The following UBLCP1 variants were observed in gnomAD, a reference collection of about 807,000 sequenced individuals.
UBLCP1 encodes ubiquitin-like domain-containing CTD phosphatase 1.
A neutral mutation model predicts 42.4 loss-of-function variants in UBLCP1; 28 were observed. The ratio of observed to expected loss-of-function variants is 0.66; its 90% CI spans 0.49 to 0.90. The LOEUF is 0.90. Among genes scored for constraint, UBLCP1 ranks in the 40% least tolerant of loss-of-function variants. The pLI is 0.00. For synonymous variants in UBLCP1, 122 were observed against 120.8 expected, an observed-to-expected ratio of 1.01 and a Z score of -0.07; for missense variants, 279 against 374.5, an observed-to-expected ratio of 0.75 and a Z score of 2.10.
intron 1 of UBLCP1, among the ~76,000 whole-genome samples, chr5:159,265,351 T>TA (rs2113307877): frequency 6.6e-6 from 1 of 152,322 alleles, no homozygotes; most frequent in South Asian, 2.1e-4. Context: ...GAAATACCAA[T>TA]ACCTTGAGAT....
rs1200247552 is a variant in UBLCP1, at chr5:159,263,359, A to C, written c.-48A>C. 6.6e-6 allele frequency: 1 copy of C among 152,306 alleles called. No individual in the cohort carries two copies. The highest frequency in any genetic ancestry group is 1.9e-4 in the East Asian group (1 of 5,216). 9.4% of individuals were successfully genotyped at this position (152,306 alleles called of 1,614,324 possible). A position where few individuals can be genotyped will look rare whatever the true frequency, so the allele number is the denominator to read the frequency against. On this transcript the variant is annotated splice_region_variant and 5_prime_UTR_variant, in exon 1 of 11. Coordinates refer to ENST00000296786, the MANE Select transcript of UBLCP1 (RefSeq NM_145049.5). ...GCTGCCGCAGGTTCCACCGCGCTCC[A>C]GGTGAGGGGTTGCGGGGCACCCTGG...
intron 6 of UBLCP1, 122 bp downstream of exon 6, chr5:159,272,243 C>A: frequency 2.6e-6 from 2 of 780,706 alleles, no homozygotes; most frequent in Non-Finnish European, 4.0e-6. Context: ...CATTTTTTAG[C>A]AAATTTCTAA....
intron 8 of UBLCP1, among the ~76,000 whole-genome samples, chr5:159,275,891 ACTCACC>A (rs1301278213): frequency 6.6e-6 from 1 of 152,036 alleles, no homozygotes; most frequent in Non-Finnish European, 1.5e-5. Context: ...AAGCGAAAAC[ACTCACC>A]CTGCCCTGTT....
rs1278580186 is a variant in UBLCP1, at chr5:159,268,905, A to G, written c.-11A>G. On this transcript the variant is annotated 5_prime_UTR_variant, in exon 2 of 11. It adds an upstream start codon to the 5' untranslated region. Transcript: ENST00000296786. ...TTCTGAAGGAAAGCTGCTTCCTCATATGTTTCAAGAATGGCTCTCCCTATC... is the reference window on the plus strand; with the variant it reads ...TTCTGAAGGAAAGCTGCTTCCTCATGTGTTTCAAGAATGGCTCTCCCTATC... 1 of 1,601,462 alleles carries G rather than the reference A, an allele frequency of 6.2e-7. No homozygotes were observed. Among genetic ancestry groups the G allele is most frequent in the Non-Finnish European group, 8.5e-7 (1 of 1,176,536 alleles).
intron 7 of UBLCP1, 101 bp downstream of exon 7, chr5:159,274,723 TTAG>T: frequency 9.9e-7 from 1 of 1,010,368 alleles, no homozygotes; most frequent in Non-Finnish European, 1.5e-6. Context: ...TGGAGGGCAC[TTAG>T]TAGATAGATA....
intron 10 of UBLCP1, 50 bp downstream of exon 10, chr5:159,283,389 A>C (rs538109587): frequency 6.5e-5 from 96 of 1,467,852 alleles, no homozygotes; most frequent in Admixed American, 1.8e-4. Flanking sequence ...TGAAGAAAAA[A>C]TTATCATTTT....
chr5:159,285,912 T>A lies in UBLCP1; in HGVS notation c.*981T>A, dbSNP rs1008941539. On this transcript the variant is annotated 3_prime_UTR_variant, in exon 11 of 11. Coordinates refer to ENST00000296786, the MANE Select transcript of UBLCP1 (RefSeq NM_145049.5). Reference sequence around the variant, plus strand: ...TACGTAATGTGACCACTGTTTTGTGTTGACAATATTGCTTTATACAGTTCT... The same window carrying A: ...TACGTAATGTGACCACTGTTTTGTGATGACAATATTGCTTTATACAGTTCT... 6.5e-6 allele frequency: 1 copy of A among 152,772 alleles called. No individual in the cohort carries two copies. The highest frequency in any genetic ancestry group is 2.4e-5 in the African/African-American group (1 of 41,454). The allele number at this position is 152,772 out of a possible 1,614,324, so 9.5% of individuals were successfully genotyped here. A position where few individuals can be genotyped will look rare whatever the true frequency, so the allele number is the denominator to read the frequency against.
Position 159,272,255 on chromosome 5 carries a change from A to G in UBLCP1, c.547+134A>G, listed in dbSNP as rs11745659. On this transcript the variant is annotated intron_variant, in intron 6 of 10. Coordinates refer to ENST00000296786, the MANE Select transcript of UBLCP1 (RefSeq NM_145049.5). ...TTTCATTTTTTAGCAAATTTCTAAA[A>G]TGAAGCATGTATCACAATATAAACT... 0.3 allele frequency: 208,235 copies of G among 685,178 alleles called. 32,861 individuals are homozygous for G. The highest frequency in any genetic ancestry group is 0.32 in the Non-Finnish European group (133,387 of 417,946). 42.4% of individuals were successfully genotyped at this position (685,178 alleles called of 1,614,324 possible).
intron 6 of UBLCP1, among the ~76,000 whole-genome samples, chr5:159,273,259 GAA>G (rs1753493664): frequency 6.6e-6 from 1 of 152,102 alleles, no homozygotes; most frequent in Non-Finnish European, 1.5e-5. Context: ...TGATATTTGA[GAA>G]AAAAGTTTAT....
intron 1 of UBLCP1, among the ~76,000 whole-genome samples, chr5:159,264,994 T>G (rs765111442): frequency 6.6e-6 from 1 of 152,236 alleles, no homozygotes; most frequent in Non-Finnish European, 1.5e-5. Context: ...TGTATTTCAG[T>G]TTAACTCAAA....
intron 10 of UBLCP1, among the ~76,000 whole-genome samples, chr5:159,284,382 A>G (rs1753645096): frequency 6.6e-6 from 1 of 152,220 alleles, no homozygotes; most frequent in African/African-American, 2.4e-5. Flanking sequence ...ATTAAACAAT[A>G]TGAAAAACAC....
At position 159,270,972 on chromosome 5, in the gene UBLCP1, A is replaced by ATG. The variant is rs1491373715; in HGVS notation, c.448+341_448+342dup. Among the ~76,000 whole-genome samples the ATG allele has an allele frequency of 1.9e-4, 29 of 150,388 alleles. No individual in the cohort carries two copies. In the East Asian group the frequency reaches 3.5e-3, roughly 18 times the overall value. On this transcript the variant is annotated intron_variant, in intron 5 of 10. Coordinates refer to ENST00000296786, the MANE Select transcript of UBLCP1 (RefSeq NM_145049.5). ...TGTTTATTATGAATGATATATATAT[A>ATG]TGTGTGTGTGTGTATATATATTTTT...
intron 9 of UBLCP1, among the ~76,000 whole-genome samples, chr5:159,278,925 T>A (rs1395499739): frequency 6.6e-6 from 1 of 152,216 alleles, no homozygotes; most frequent in Non-Finnish European, 1.5e-5. Flanking sequence ...TTCCCAACAT[T>A]GACTTTTAGC....
At chr5:159,269,158 T>A in intron 2 of UBLCP1, 89 bp downstream of exon 2, 1 of 967,354 alleles carries the variant, frequency 1.0e-6, no homozygotes. Flanking sequence ...GTTTAATAAT[T>A]TATACTTGCT....
intron 6 of UBLCP1, among the ~76,000 whole-genome samples, chr5:159,272,566 T>C (rs560910670): frequency 2.6e-4 from 39 of 152,340 alleles, no homozygotes; most frequent in Admixed American, 1.6e-3. Flanking sequence ...CCTTCTGATC[T>C]TTGCTGTGAA....
chr5:159,272,042 G>T lies in UBLCP1; in HGVS notation c.468G>T (p.Glu156Asp), dbSNP rs759534458. ...YTLFDHRSCA[E>D]TGVELMRPYL... Reference sequence around the variant, plus strand: ...TTTTAGACCACAGGTCTTGTGCAGAGACTGGGGTAGAATTAATGCGGCCAT... The same window carrying T: ...TTTTAGACCACAGGTCTTGTGCAGATACTGGGGTAGAATTAATGCGGCCAT... Residue 156 changes from glutamate (E) to aspartate (D), a missense_variant, in exon 6 of 11, where the codon GAG (glutamate) becomes GAT (aspartate). By Grantham distance (45) the Glu-to-Asp change is conservative. Transcript: ENST00000296786. The T allele has an allele frequency of 2.5e-6, 4 of 1,613,144 alleles. No individual in the cohort carries two copies. Among genetic ancestry groups the T allele is most frequent in the Non-Finnish European group, 2.5e-6 (3 of 1,179,598 alleles).
chr5:159,266,681 G>T (rs1181382451), intron 1 of UBLCP1, among the ~76,000 whole-genome samples: 1 of 152,182 alleles, frequency 6.6e-6, no homozygotes, highest in Non-Finnish European at 1.5e-5. Flanking sequence ...AGGAAAAAAG[G>T]TTTCGTGGGC....
chr5:159,275,268 A>G (rs758147519), intron 8 of UBLCP1, 22 bp downstream of exon 8: 2 of 1,567,994 alleles, frequency 1.3e-6, no homozygotes, highest in South Asian at 2.2e-5. Flanking sequence ...TTTTATTTCT[A>G]TTTAATGACA....
rs1430298840 is a variant in UBLCP1, at chr5:159,285,972, A to G, written c.*1041A>G. ...AAGGAATTGATCCTTTTAAAGAAAC[A>G]TGGTGTATATTGTTCTTACAGGACT... On this transcript the variant is annotated 3_prime_UTR_variant, in exon 11 of 11. Transcript: ENST00000296786. 2 of 152,784 alleles carry G rather than the reference A, an allele frequency of 1.3e-5. No homozygotes were observed. Among genetic ancestry groups the G allele is most frequent in the African/African-American group, 2.4e-5 (1 of 41,470 alleles). 9.5% of individuals were successfully genotyped at this position (152,784 alleles called of 1,614,324 possible). A position where few individuals can be genotyped will look rare whatever the true frequency, so the allele number is the denominator to read the frequency against.
Sources: gnomAD v4.1 joint callset for allele counts (sites outside exome capture counted in the v4.1 genomes callset) on GRCh38, gnomAD v4.1.1 for gene constraint, MANE v1.5 for transcripts, NCBI Gene and HGNC (gene_info 2026-07-23, HGNC 2026-07-21) for gene names.